PRAG1: variants seen among roughly 807,000 people sequenced by gnomAD.
PRAG1 encodes inactive tyrosine-protein kinase PRAG1.
In PRAG1, 110 loss-of-function variants were observed where a neutral mutation model predicts 95.6. The observed-to-expected ratio is 1.15, with a 90% confidence interval of 0.99 to 1.35. The LOEUF (loss-of-function observed/expected upper bound fraction) is 1.35, where lower values mean the gene tolerates loss of function less well. PRAG1 is among the 40% of genes most tolerant of loss of function. PRAG1 has a pLI of 0.00. For synonymous variants in PRAG1, 1,052 were observed against 819.4 expected, an observed-to-expected ratio of 1.28 and a Z score of -4.85; for missense variants, 2,554 against 1,864.7, an observed-to-expected ratio of 1.37 and a Z score of -6.81.
chr8:8,340,408 G>A (rs778251905), intron 3 of PRAG1, among the ~76,000 whole-genome samples: 60 of 152,142 alleles, frequency 3.9e-4, no homozygotes, highest in Non-Finnish European at 1.9e-4. Flanking sequence ...CTTTCCAAGG[G>A]CCACATGAAT....
chr8:8,346,133 A>G (rs888152160), intron 3 of PRAG1, among the ~76,000 whole-genome samples: 1 of 152,232 alleles, frequency 6.6e-6, no homozygotes, highest in Non-Finnish European at 1.5e-5. Flanking sequence ...TCAATGCGGT[A>G]TAACAAGACT....
intron 3 of PRAG1, among the ~76,000 whole-genome samples, chr8:8,365,211 T>C (rs967125164): frequency 1.3e-5 from 2 of 152,216 alleles, no homozygotes; most frequent in African/African-American, 4.8e-5. Flanking sequence ...AGTTTTGTTT[T>C]CATCTTCCCA....
chr8:8,340,070 G>A (rs1007598818), intron 3 of PRAG1, among the ~76,000 whole-genome samples: 1 of 152,200 alleles, frequency 6.6e-6, no homozygotes, highest in Admixed American at 6.5e-5. Flanking sequence ...TTGCAAACTA[G>A]GCCTTTACAA....
chr8:8,335,440 T>C (rs560266311), intron 4 of PRAG1, among the ~76,000 whole-genome samples: 124 of 152,304 alleles, frequency 8.1e-4, no homozygotes, highest in African/African-American at 2.8e-3. Context: ...GATACACATT[T>C]TTGGGATGAT....
Position 8,377,159 on chromosome 8 carries a change from G to T in PRAG1, c.1250C>A (p.Thr417Asn). ...CACCGGAGCTGCCTTCTTCCTCTTGGTGCTCTCAGCATAGATGGGTTCAGG... is the reference window on the plus strand; with the variant it reads ...CACCGGAGCTGCCTTCTTCCTCTTGTTGCTCTCAGCATAGATGGGTTCAGG... ...TQPEPIYAES[T>N]KRKKAAPVPS... The change falls in exon 3 of 6, where the codon ACC (threonine) becomes AAC (asparagine). Residue 417 changes from threonine (T) to asparagine (N), a missense_variant. Transcript: ENST00000615670. 2 of 1,612,058 alleles carry T rather than the reference G, an allele frequency of 1.2e-6. No individual in the cohort carries two copies. The highest frequency in any genetic ancestry group is 1.6e-4 in the Middle Eastern group (1 of 6,062).
intron 3 of PRAG1, among the ~76,000 whole-genome samples, chr8:8,347,881 AT>A (rs1209365095): frequency 1.4e-5 from 2 of 140,620 alleles, no homozygotes; most frequent in African/African-American, 6.3e-5. Flanking sequence ...CAGCGGCATG[AT>A]CTCAGCTCAC....
intron 2 of PRAG1, among the ~76,000 whole-genome samples, chr8:8,381,067 C>A (rs1353598878): frequency 6.6e-6 from 1 of 152,016 alleles, no homozygotes; most frequent in African/African-American, 2.4e-5. Flanking sequence ...GTATTGGGTG[C>A]ATGCAATTCA....
In PRAG1 at chr8:8,377,624, C is replaced by A. The variant is rs755685174; in HGVS notation, c.785G>T (p.Gly262Val). 1.4e-5 allele frequency: 23 copies of A among 1,613,402 alleles called. No individual in the cohort carries two copies. The highest frequency in any genetic ancestry group is 3.3e-4 in the Middle Eastern group (2 of 6,062). ...EYCSILDCCP[G>V]SPVAKAASQT... Reference sequence around the variant, plus strand: ...GGAGGCAGCCTTGGCAACAGGGCTCCCAGGGCAGCAGTCCAGGATGGAGCA... The same window carrying A: ...GGAGGCAGCCTTGGCAACAGGGCTCACAGGGCAGCAGTCCAGGATGGAGCA... Residue 262 changes from glycine to valine, a missense_variant, in exon 3 of 6, where the codon GGG (glycine) becomes GTG (valine). By Grantham distance (109) the Gly-to-Val change is moderately radical. Transcript: ENST00000615670.
intron 5 of PRAG1, among the ~76,000 whole-genome samples, chr8:8,321,228 G>T (rs1798462663): frequency 6.6e-6 from 1 of 152,192 alleles, no homozygotes; most frequent in South Asian, 2.1e-4. Context: ...GGGACTAGAG[G>T]TGTGCACCAC....
At chr8:8,362,583 G>A (rs942301638) in intron 3 of PRAG1, among the ~76,000 whole-genome samples, 1 of 152,210 alleles carries the variant, frequency 6.6e-6, no homozygotes. Flanking sequence ...TGCCCCAGAG[G>A]AGAATGGGTG....
intron 3 of PRAG1, among the ~76,000 whole-genome samples, chr8:8,375,079 A>C (rs1585274456): frequency 1.6e-5 from 1 of 60,668 alleles, no homozygotes; most frequent in Non-Finnish European, 3.2e-5. Context: ...CTCAATAACT[A>C]AAAAAAAAAA....
At chr8:8,373,849 A>G (rs909168492) in intron 3 of PRAG1, among the ~76,000 whole-genome samples, 1 of 152,162 alleles carries the variant, frequency 6.6e-6, no homozygotes, top group Admixed American at 6.5e-5. Context: ...GCTATATGCA[A>G]TCTAAGGGTT....
rs1563222274 is a variant in PRAG1, at chr8:8,318,515, A to C, written c.3860T>G (p.Leu1287Arg). 6.2e-7 allele frequency: 1 copy of C among 1,611,846 alleles called. No individual in the cohort carries two copies. Among genetic ancestry groups the C allele is most frequent in the Admixed American group, 1.7e-5 (1 of 59,974 alleles). ...LRERDYRQED[L>R]PPLPALSLYS... ...GAGGGACAGCGCGGGCAGCGGCGGC[A>C]GGTCCTCCTGCCGGTAGTCTCTCTC... Residue 1287 changes from leucine to arginine, a missense_variant, in exon 6 of 6, where the codon CTG (leucine) becomes CGG (arginine). By Grantham distance (102) the Leu-to-Arg change is moderately radical. Coordinates refer to ENST00000615670, the MANE Select transcript of PRAG1 (RefSeq NM_001080826.3). This position sits in a 1 kb window ranked among gnomAD's most constrained non-coding sequence, Gnocchi z 4.2.
intron 3 of PRAG1, among the ~76,000 whole-genome samples, chr8:8,349,989 C>G (rs1799468330): frequency 6.6e-6 from 1 of 152,002 alleles, no homozygotes; most frequent in Admixed American, 6.6e-5. Flanking sequence ...TACATGCACA[C>G]ACACACACAT....
In PRAG1 at chr8:8,318,025, T is replaced by C; in HGVS notation, c.*129A>G. 1.4e-6 allele frequency: 1 copy of C among 732,380 alleles called. No individual in the cohort carries two copies. Among genetic ancestry groups the C allele is most frequent in the Non-Finnish European group, 2.1e-6 (1 of 483,970 alleles). The allele number at this position is 732,380 out of a possible 1,614,324, so 45.4% of individuals were successfully genotyped here. ...GGTATATGTATTTTCTATATATATATTTATATATTTTACATCCAGGTATCC... is the reference window on the plus strand; with the variant it reads ...GGTATATGTATTTTCTATATATATACTTATATATTTTACATCCAGGTATCC... On this transcript the variant is annotated 3_prime_UTR_variant, in exon 6 of 6. Transcript: ENST00000615670. The surrounding 1 kb of genome is among the most constrained non-coding windows in gnomAD (Gnocchi z 4.2).
At position 8,339,556 on chromosome 8, in the gene PRAG1, A is replaced by G; in HGVS notation, c.2242T>C (p.Phe748Leu). Residue 748 changes from phenylalanine (F) to leucine (L), a missense_variant, in exon 4 of 6, where the codon TTC becomes CTC. Phe to Leu is a conservative substitution (Grantham distance 22). Transcript: ENST00000615670. ...QGSAESLSPS[F>L]RGVHVSFTTG... ...GTGAAGCTGACGTGGACACCCCTGA[A>G]GGATGGGCTGAGGCTTTCTGCAGAG... The G allele has an allele frequency of 6.2e-7, 1 of 1,614,174 alleles. No individual in the cohort carries two copies. The highest frequency in any genetic ancestry group is 8.5e-7 in the Non-Finnish European group (1 of 1,180,034).
Position 8,318,809 on chromosome 8 carries a change from C to A in PRAG1, c.3566G>T (p.Gly1189Val). 2 of 1,426,748 alleles carry A rather than the reference C, an allele frequency of 1.4e-6. No homozygotes were observed. Among genetic ancestry groups the A allele is most frequent in the East Asian group, 2.8e-5 (1 of 35,896 alleles). The allele number at this position is 1,426,748 out of a possible 1,614,324, so 88.4% of individuals were successfully genotyped here. Reference sequence around the variant, plus strand: ...GCCGGCTGCGGGGCTGAGAGTGCCACCAGCAGGCGGGGCGGCAGAGGAGCA... The same window carrying A: ...GCCGGCTGCGGGGCTGAGAGTGCCAACAGCAGGCGGGGCGGCAGAGGAGCA... ...PPCSSAAPPA[G>V]GTLSPAAGPA... The change falls in exon 6 of 6, where the codon GGT becomes GTT. Residue 1189 changes from glycine (G) to valine (V), a missense_variant. Gly to Val is a moderately radical substitution (Grantham distance 109). Transcript: ENST00000615670. This position sits in a 1 kb window ranked among gnomAD's most constrained non-coding sequence, Gnocchi z 4.2.
chr8:8,348,253 A>AT (rs1799411097), intron 3 of PRAG1, among the ~76,000 whole-genome samples: 1 of 152,154 alleles, frequency 6.6e-6, no homozygotes, highest in Admixed American at 6.5e-5. Flanking sequence ...ACCTTGGTAA[A>AT]AGCACCCTGA....
chr8:8,322,703 G>A (rs1023869899), intron 5 of PRAG1, among the ~76,000 whole-genome samples: 5 of 152,162 alleles, frequency 3.3e-5, no homozygotes, highest in African/African-American at 1.2e-4. Flanking sequence ...GGCTTCGTCT[G>A]CATGATAAAG....
Sources: allele counts gnomAD v4.1 joint callset (sites outside exome capture counted in the v4.1 genomes callset), GRCh38; gene constraint gnomAD v4.1.1; non-coding constraint Gnocchi (gnomAD v3.1); transcripts MANE v1.5; gene names NCBI Gene and HGNC (gene_info 2026-07-23, HGNC 2026-07-21).